Variants in TMOD1 observed in about 807,000 individuals in gnomAD.
The protein encoded by TMOD1 is tropomodulin 1.
TMOD1 carries 17 observed loss-of-function variants against 40.6 expected under a neutral mutation model. That is an observed-to-expected ratio of 0.42 (90% confidence interval 0.29 to 0.63). The LOEUF (loss-of-function observed/expected upper bound fraction) is 0.63. Among genes scored for constraint, TMOD1 ranks in the 20% least tolerant of loss-of-function variants. TMOD1 has a pLI of 0.22. For missense variants in TMOD1, 391 were observed against 447.6 expected (o/e 0.87, Z 1.14); for synonymous variants, 181 against 175.0 (o/e 1.03, Z -0.27).
chr9:97,555,442 G>A, intron 4 of TMOD1: 1 of 1,412,208 alleles, frequency 7.1e-7, no homozygotes, highest in Non-Finnish European at 9.2e-7. Flanking sequence ...CCTGTGCCAG[G>A]TCAGAGCTGC....
Position 97,559,794 on chromosome 9 carries a change from A to AAAAT in TMOD1, c.398-2937_398-2936insAATA, listed in dbSNP as rs1390791825. Among the ~76,000 whole-genome samples, 121 of 23,130 alleles carry AAAAT rather than the reference A, an allele frequency of 5.2e-3. 1 individual carries two copies. The highest frequency in any genetic ancestry group is 8.4e-3 in the African/African-American group (55 of 6,534). The allele number at this position is 23,130 out of a possible 152,430, so 15.2% of individuals were successfully genotyped here. A position where few individuals can be genotyped will look rare whatever the true frequency, so the allele number is the denominator to read the frequency against. Reference sequence around the variant, plus strand: ...ATTTAAAAAAAAAAAAAAAAAAAAAAATATATATATATATATATATATATA... The same window carrying AAAAT: ...ATTTAAAAAAAAAAAAAAAAAAAAAAAAATATATATATATATATATATATATATA... On this transcript the variant is annotated intron_variant, in intron 4 of 9. Transcript: ENST00000259365.
At chr9:97,574,271 G>A (rs755618304) in intron 8 of TMOD1, among the ~76,000 whole-genome samples, 1 of 152,120 alleles carries the variant, frequency 6.6e-6, no homozygotes. Flanking sequence ...GGGCCAGCGC[G>A]TGTTCCGGGT....
In TMOD1 at chr9:97,557,237, C is replaced by T. The variant is rs1171525849; in HGVS notation, c.397+3837C>T. 2.0e-5 allele frequency among the ~76,000 whole-genome samples: 3 copies of T among 152,108 alleles called. No individual in the cohort carries two copies. Among genetic ancestry groups the T allele is most frequent in the Non-Finnish European group, 4.4e-5 (3 of 68,022 alleles). On this transcript the variant is annotated intron_variant, in intron 4 of 9. Coordinates refer to ENST00000259365, the MANE Select transcript of TMOD1 (RefSeq NM_003275.4). The surrounding 1 kb of genome is among the most constrained non-coding windows in gnomAD (Gnocchi z 4.4). The stretch of plus-strand genomic sequence containing the variant: ...CCTGCTGGGCAACAAGCAGAGTGCA[C>T]AGGTTCCTGGCAGGGCTAAGTTCTT...
chr9:97,591,465 C>T (rs756554788), intron 9 of TMOD1, 30 bp downstream of exon 9: 17 of 1,607,926 alleles, frequency 1.1e-5, no homozygotes, highest in East Asian at 4.5e-5. Flanking sequence ...CTGCCCTGCC[C>T]GCAGTCCTGT....
rs570013033 is a variant in TMOD1 at position 97,535,077 on chromosome 9, G to T, written c.120+10769G>T. Among the ~76,000 whole-genome samples the T allele has an allele frequency of 6.7e-4, 102 of 152,288 alleles. 1 individual carries two copies. The highest frequency in any genetic ancestry group is 2.2e-3 in the African/African-American group (90 of 41,556). On this transcript the variant is annotated intron_variant, in intron 2 of 9. Transcript: ENST00000259365. ...GAGGCTGGAGAGGTGGGAGTAGGTT[G>T]GAGTCAAATCATGAAAAGCTCTTCA...
chr9:97,531,905 A>G (rs1452788448), intron 2 of TMOD1, among the ~76,000 whole-genome samples: 1 of 152,180 alleles, frequency 6.6e-6, no homozygotes, highest in Middle Eastern at 3.2e-3. Flanking sequence ...AAAGAGGGGT[A>G]AGGACTCATT....
chr9:97,529,694 A>G (rs1049713791), intron 2 of TMOD1, among the ~76,000 whole-genome samples: 52 of 152,168 alleles, frequency 3.4e-4, no homozygotes, highest in African/African-American at 1.2e-3. Context: ...GCCCTTTCTC[A>G]TCTCTCTGGA....
intron 8 of TMOD1, among the ~76,000 whole-genome samples, chr9:97,575,107 G>A (rs1418980100): frequency 1.3e-5 from 2 of 152,216 alleles, no homozygotes; most frequent in South Asian, 2.1e-4. Context: ...CATAAATCTT[G>A]CCACTGCTCA....
chr9:97,501,823 G>T lies in TMOD1; in HGVS notation c.-49+20G>T, dbSNP rs1245474159. 1 of 152,692 alleles carries T rather than the reference G, an allele frequency of 6.5e-6. No homozygotes were observed. The highest frequency in any genetic ancestry group is 1.5e-5 in the Non-Finnish European group (1 of 68,260). 9.5% of individuals were successfully genotyped at this position (152,692 alleles called of 1,614,324 possible). A position where few individuals can be genotyped will look rare whatever the true frequency, so the allele number is the denominator to read the frequency against. On this transcript the variant is annotated intron_variant, in intron 1 of 9. Transcript: ENST00000259365. ...GTCCGGGTAAGCCCCCACCCCGCCTGGGGTCCCCCTCGCGCTCGCGGGGCT... is the reference window on the plus strand; with the variant it reads ...GTCCGGGTAAGCCCCCACCCCGCCTTGGGTCCCCCTCGCGCTCGCGGGGCT...
intron 2 of TMOD1, among the ~76,000 whole-genome samples, chr9:97,527,677 G>A (rs538047630): frequency 6.6e-6 from 1 of 152,334 alleles, no homozygotes; most frequent in South Asian, 2.1e-4. Context: ...CGACTGACGG[G>A]TTTAGACTTT....
chr9:97,507,926 G>C (rs1829616042), intron 1 of TMOD1, among the ~76,000 whole-genome samples: 1 of 152,152 alleles, frequency 6.6e-6, no homozygotes. Flanking sequence ...AGTTAAGGCG[G>C]ACTCCGGATC....
At chr9:97,554,120 G>T (rs1267664868) in intron 4 of TMOD1, among the ~76,000 whole-genome samples, 1 of 151,128 alleles carries the variant, frequency 6.6e-6, no homozygotes, top group Non-Finnish European at 1.5e-5. Flanking sequence ...CTGATCCAGG[G>T]AGTGGGTGGG....
chr9:97,548,453 G>C (rs1042466667), intron 3 of TMOD1, among the ~76,000 whole-genome samples: 4 of 152,178 alleles, frequency 2.6e-5, no homozygotes, highest in Admixed American at 6.5e-5. Context: ...GATCCTGGAG[G>C]GGGTGGCAGG....
chr9:97,587,986 G>A (rs1029389958), intron 8 of TMOD1, among the ~76,000 whole-genome samples: 42 of 152,212 alleles, frequency 2.8e-4, no homozygotes, highest in African/African-American at 8.7e-4. Flanking sequence ...ACCACGTTGT[G>A]TGTATCCATT....
At chr9:97,506,605 A>G (rs779649606) in intron 1 of TMOD1, among the ~76,000 whole-genome samples, 2 of 152,228 alleles carry the variant, frequency 1.3e-5, no homozygotes, top group Non-Finnish European at 2.9e-5. Context: ...CCATCATGAT[A>G]CGTAGCTAGT....
Position 97,546,168 on chromosome 9 carries a change from C to T in TMOD1, c.121-17C>T, listed in dbSNP as rs371683127. The T allele has an allele frequency of 1.3e-5, 20 of 1,595,310 alleles. No individual in the cohort carries two copies. Among genetic ancestry groups the T allele is most frequent in the Non-Finnish European group, 1.5e-5 (18 of 1,173,656 alleles). ...TCTCTTTCTCTCTCTCCTGCCCCCC[C>T]ACAACCTCCAATGTAGAATGCACTG... On this transcript the variant is annotated splice_polypyrimidine_tract_variant and intron_variant, in intron 2 of 9. Coordinates refer to ENST00000259365, the MANE Select transcript of TMOD1 (RefSeq NM_003275.4).
chr9:97,563,617 G>A (rs1830673718), intron 5 of TMOD1, among the ~76,000 whole-genome samples: 1 of 152,026 alleles, frequency 6.6e-6, no homozygotes. Flanking sequence ...TCCAAAGCTG[G>A]CATTTTGGCC....
In TMOD1 at chr9:97,545,683, T is replaced by C. The variant is rs112731234; in HGVS notation, c.121-502T>C. Among the ~76,000 whole-genome samples the C allele has an allele frequency of 8.4e-4, 128 of 152,296 alleles. 2 individuals are homozygous for C. Among genetic ancestry groups the C allele is most frequent in the African/African-American group, 2.9e-3 (121 of 41,576 alleles). ...CCTGGGCCTTTCTCCAGCTTTTTTT[T>C]TGGTCTGCCTCTTCCTGCCTGATTC... On this transcript the variant is annotated intron_variant, in intron 2 of 9. Coordinates refer to ENST00000259365, the MANE Select transcript of TMOD1 (RefSeq NM_003275.4).
intron 1 of TMOD1, among the ~76,000 whole-genome samples, chr9:97,510,697 A>C (rs1829682018): frequency 6.6e-6 from 1 of 152,220 alleles, no homozygotes; most frequent in South Asian, 2.1e-4. Context: ...GTTTGTCCTC[A>C]GGTAGCTTTT....
Sources: gnomAD v4.1 joint callset for allele counts (sites outside exome capture counted in the v4.1 genomes callset) on GRCh38, gnomAD v4.1.1 for gene constraint, Gnocchi (gnomAD v3.1) non-coding constraint, MANE v1.5 for transcripts, NCBI Gene and HGNC (gene_info 2026-07-23, HGNC 2026-07-21) for gene names.